TSPAN4: variants seen among roughly 807,000 people sequenced by gnomAD.
TSPAN4 encodes the protein tetraspanin 4.
TSPAN4 carries 38 observed loss-of-function variants against 31.5 expected under a neutral mutation model. The observed-to-expected ratio is 1.21, with a 90% confidence interval of 0.93 to 1.58. The LOEUF (loss-of-function observed/expected upper bound fraction) is 1.58, where lower values mean the gene tolerates loss of function less well. Ranked by LOEUF, TSPAN4 falls within the 40% of genes most tolerant of loss-of-function variation. TSPAN4 has a pLI of 0.00. For missense variants in TSPAN4, 330 were observed against 317.3 expected (o/e 1.04, Z -0.30); for synonymous variants, 186 against 144.6 (o/e 1.29, Z -2.06).
In TSPAN4 at chr11:866,665, C is replaced by A. The variant is rs768379074; in HGVS notation, c.*35C>A. On this transcript the variant is annotated 3_prime_UTR_variant, in exon 9 of 9. Coordinates refer to ENST00000397397, the MANE Select transcript of TSPAN4 (RefSeq NM_003271.5). ...CGCCCGCTTCTCTGCCAAAAGGACG[C>A]CCACGGGGAGATGGCCGCACCCACA... 100 of 1,594,996 alleles carry A rather than the reference C, an allele frequency of 6.3e-5. No individual in the cohort carries two copies. The highest frequency in any genetic ancestry group is 8.4e-5 in the Non-Finnish European group (98 of 1,170,016).
Position 865,557 on chromosome 11 carries a change from G to A in TSPAN4, c.375G>A (p.Leu125=), listed in dbSNP as rs547297724. The A allele has an allele frequency of 4.3e-6, 7 of 1,612,600 alleles. No individual in the cohort carries two copies. The East Asian group carries it at 1.1e-4, about 26-fold the overall frequency. ...AAGACCTGAAGAAAGGCTTGCACCT[G>A]TACGGCACGCAGGGCAACGTGGGCC... The part of the protein sequence containing the change: ...AQQDLKKGLH[L]YGTQGNVGLT... Residue 125 remains leucine (L), a synonymous_variant, in exon 6 of 9, where the codon CTG becomes CTA. Coordinates refer to ENST00000397397, the MANE Select transcript of TSPAN4 (RefSeq NM_003271.5).
chr11:851,834 G>C (rs1460704750), intron 3 of TSPAN4, among the ~76,000 whole-genome samples: 9 of 152,116 alleles, frequency 5.9e-5, no homozygotes, highest in Admixed American at 5.2e-4. Context: ...CAGGCAGGCA[G>C]GTCCTGGGAG....
At chr11:851,667 G>A (rs1162299014) in intron 3 of TSPAN4, among the ~76,000 whole-genome samples, 1 of 152,128 alleles carries the variant, frequency 6.6e-6, no homozygotes, top group Non-Finnish European at 1.5e-5. Context: ...CAGGCCTGAG[G>A]GGCGCCTTGG....
intron 3 of TSPAN4, 84 bp downstream of exon 3, chr11:850,451 C>A: frequency 8.2e-7 from 1 of 1,223,652 alleles, no homozygotes; most frequent in South Asian, 1.3e-5. Flanking sequence ...GAGTCGGAGT[C>A]GCTGCCCCGG....
At position 848,135 on chromosome 11, in the gene TSPAN4, G is replaced by A. The variant is rs1198039284; in HGVS notation, c.-18+835G>A. Among the ~76,000 whole-genome samples the A allele has an allele frequency of 2.0e-5, 3 of 152,198 alleles. No homozygotes were observed. The highest frequency in any genetic ancestry group is 4.8e-5 in the African/African-American group (2 of 41,444). On this transcript the variant is annotated intron_variant, in intron 2 of 8. Transcript: ENST00000397397. The surrounding 1 kb of genome is among the most constrained non-coding windows in gnomAD (Gnocchi z 5.7). ...GTGTCTGCCCTCAGGTTGCACCTGC[G>A]TGGCCAGGGGAAGGGGGCCGGGCGC...
chr11:854,417 G>A (rs946523433), intron 3 of TSPAN4, among the ~76,000 whole-genome samples: 20 of 152,272 alleles, frequency 1.3e-4, no homozygotes, highest in Admixed American at 6.5e-4. Context: ...CATGTGGGGC[G>A]GTAGAGGGTG....
chr11:863,599 C>G (rs2134062174), intron 4 of TSPAN4: 1 of 152,434 alleles, frequency 6.6e-6, no homozygotes, highest in African/African-American at 2.4e-5. Flanking sequence ...GTTGAGGAAG[C>G]TGCTGTGTGT....
In TSPAN4 at chr11:864,511, G is replaced by A. The variant is rs192996736; in HGVS notation, c.330G>A (p.Lys110=). ...IAILFFAYTD[K]IDRYAQQDLK... ...TCCTCTTCTTCGCCTACACGGACAA[G>A]GTACGGCTGCCTTGGCCGCAGGCCC... is the stretch of plus-strand genomic sequence containing the variant. The change falls in exon 5 of 9, where the codon AAG becomes AAA. Residue 110 remains lysine, a splice_region_variant and synonymous_variant. Coordinates refer to ENST00000397397, the MANE Select transcript of TSPAN4 (RefSeq NM_003271.5). 198 of 1,612,190 alleles carry A rather than the reference G, an allele frequency of 1.2e-4. No homozygotes were observed. The East Asian group carries it at 4.2e-3, about 34-fold the overall frequency.
intron 3 of TSPAN4, among the ~76,000 whole-genome samples, chr11:861,661 G>A (rs1047341955): frequency 1.3e-5 from 2 of 151,860 alleles, no homozygotes; most frequent in African/African-American, 4.8e-5. Flanking sequence ...GCAGTGAGCC[G>A]AGATCGCGCC....
chr11:848,131 C>A lies in TSPAN4; in HGVS notation c.-18+831C>A, dbSNP rs1464799672. Reference sequence around the variant, plus strand: ...CTGAGTGTCTGCCCTCAGGTTGCACCTGCGTGGCCAGGGGAAGGGGGCCGG... The same window carrying A: ...CTGAGTGTCTGCCCTCAGGTTGCACATGCGTGGCCAGGGGAAGGGGGCCGG... On this transcript the variant is annotated intron_variant, in intron 2 of 8. Transcript: ENST00000397397. This position sits in a 1 kb window ranked among gnomAD's most constrained non-coding sequence, Gnocchi z 5.7. 6.6e-6 allele frequency among the ~76,000 whole-genome samples: 1 copy of A among 152,206 alleles called. No individual in the cohort carries two copies. Among genetic ancestry groups the A allele is most frequent in the Non-Finnish European group, 1.5e-5 (1 of 68,028 alleles).
chr11:852,124 C>T (rs532533807), intron 3 of TSPAN4, among the ~76,000 whole-genome samples: 52 of 152,274 alleles, frequency 3.4e-4, no homozygotes, highest in African/African-American at 1.1e-3. Flanking sequence ...ATGCAATTCT[C>T]TCTTTTTTAT....
At chr11:843,838 C>G (rs916453139) in intron 1 of TSPAN4, 2 of 141,396 alleles carry the variant, frequency 1.4e-5, no homozygotes, top group Non-Finnish European at 3.1e-5. Context: ...GGGTTCCAGG[C>G]ATCAGCTGCC....
chr11:866,511 A>G, intron 8 of TSPAN4, 51 bp from the exon 9 acceptor site: 2 of 1,577,522 alleles, frequency 1.3e-6, no homozygotes, highest in Non-Finnish European at 1.7e-6. Flanking sequence ...TCTGGGCTTG[A>G]GGCCTGAGCC....
chr11:865,235 G>A, intron 5 of TSPAN4: 1 of 469,052 alleles, frequency 2.1e-6, no homozygotes, highest in Non-Finnish European at 3.9e-6. Flanking sequence ...GGCTGCACGT[G>A]TCCCGATACG....
chr11:856,290 G>A (rs185444298), intron 3 of TSPAN4, among the ~76,000 whole-genome samples: 39 of 152,322 alleles, frequency 2.6e-4, no homozygotes, highest in African/African-American at 8.7e-4. Flanking sequence ...AGTGTCTGAT[G>A]GACTGAGCCT....
chr11:844,385 A>C (rs1331085192), intron 1 of TSPAN4: 1 of 152,366 alleles, frequency 6.6e-6, no homozygotes, highest in Admixed American at 6.5e-5. Context: ...ACATTCTTGG[A>C]ATTCCGAGTG....
At chr11:858,508 GCACCCCGGATCCCACCCCCGCTGACACT>G (rs1848191069) in intron 3 of TSPAN4, 2 of 171,516 alleles carry the variant, frequency 1.2e-5, no homozygotes, top group South Asian at 2.1e-4. Context: ...TGGCTCACAT[GCACCCCGGATCCCACCCCCGCTGACACT>G]CACCCCGGTT....
chr11:851,639 C>T (rs989107421), intron 3 of TSPAN4, among the ~76,000 whole-genome samples: 3 of 151,664 alleles, frequency 2.0e-5, no homozygotes, highest in Non-Finnish European at 1.5e-5. Context: ...CTGCAAGAGG[C>T]TCTGGAGGGG....
At chr11:861,909 T>C (rs1018190489) in intron 3 of TSPAN4, among the ~76,000 whole-genome samples, 1 of 152,118 alleles carries the variant, frequency 6.6e-6, no homozygotes, top group African/African-American at 2.4e-5. Context: ...AGCAACAGGG[T>C]GAGACTCCAT....
Sources: allele counts gnomAD v4.1 joint callset (sites outside exome capture counted in the v4.1 genomes callset), GRCh38; gene constraint gnomAD v4.1.1; non-coding constraint Gnocchi (gnomAD v3.1); transcripts MANE v1.5; gene names NCBI Gene and HGNC (gene_info 2026-07-23, HGNC 2026-07-21).